Variants in OPRD1 observed in about 807,000 individuals in gnomAD.
The protein encoded by OPRD1 is delta-type opioid receptor.
In OPRD1, 19 loss-of-function variants were observed where a neutral mutation model predicts 17.5. That is an observed-to-expected ratio of 1.09 (90% CI 0.76 to 1.60). The LOEUF is 1.60. Among genes scored for constraint, OPRD1 ranks in the 40% most tolerant of loss-of-function variants. OPRD1 has a pLI of 0.00. For missense variants in OPRD1, 483 were observed against 547.2 expected, an observed-to-expected ratio of 0.88 and a Z score of 1.17; for synonymous variants, 256 against 240.9, an observed-to-expected ratio of 1.06 and a Z score of -0.58.
intron 1 of OPRD1, among the ~76,000 whole-genome samples, chr1:28,822,191 C>CG (rs1557568937): frequency 2.0e-5 from 3 of 151,954 alleles, no homozygotes; most frequent in Non-Finnish European, 2.9e-5. Context: ...CCTCGTGATC[C>CG]GCCCGACTCG....
chr1:28,819,576 T>C (rs1361492418), intron 1 of OPRD1, among the ~76,000 whole-genome samples: 4 of 152,218 alleles, frequency 2.6e-5, no homozygotes, highest in African/African-American at 9.6e-5. Flanking sequence ...GGTTGAAGTA[T>C]GCAAGCTGCA....
chr1:28,814,812 A>G (rs2088660787), intron 1 of OPRD1, among the ~76,000 whole-genome samples: 1 of 152,186 alleles, frequency 6.6e-6, no homozygotes, highest in Non-Finnish European at 1.5e-5. Flanking sequence ...CCATGTTGCC[A>G]AGACATTTCG....
chr1:28,831,377 C>T (rs564788827), intron 1 of OPRD1, among the ~76,000 whole-genome samples: 12 of 152,174 alleles, frequency 7.9e-5, no homozygotes, highest in Admixed American at 2.0e-4. Flanking sequence ...GGCGTGGTGG[C>T]GTGCGCCTGT....
At chr1:28,837,419 G>A (rs1191876767) in intron 1 of OPRD1, among the ~76,000 whole-genome samples, 1 of 152,114 alleles carries the variant, frequency 6.6e-6, no homozygotes, top group Non-Finnish European at 1.5e-5. Flanking sequence ...GGAGGCCAAG[G>A]CAGGCAGATC....
At chr1:28,814,432 G>C (rs113473039) in intron 1 of OPRD1, among the ~76,000 whole-genome samples, 5 of 152,332 alleles carry the variant, frequency 3.3e-5, no homozygotes, top group African/African-American at 1.2e-4. Flanking sequence ...AGATCCTGTA[G>C]AATCTGACTA....
intron 1 of OPRD1, among the ~76,000 whole-genome samples, chr1:28,852,036 G>A (rs1173914300): frequency 6.7e-6 from 1 of 148,734 alleles, no homozygotes; most frequent in Non-Finnish European, 1.5e-5. Flanking sequence ...GCGTGGTGGC[G>A]GGTGCCTGTA....
intron 1 of OPRD1, among the ~76,000 whole-genome samples, chr1:28,840,045 C>T (rs2088883227): frequency 6.6e-6 from 1 of 152,176 alleles, no homozygotes; most frequent in African/African-American, 2.4e-5. Context: ...CTCCTCTGAG[C>T]CTGGCCCTGT....
chr1:28,833,218 C>T (rs2088822900), intron 1 of OPRD1, among the ~76,000 whole-genome samples: 1 of 152,158 alleles, frequency 6.6e-6, no homozygotes, highest in Non-Finnish European at 1.5e-5. Context: ...CCTAAGGGCA[C>T]CTGGTTAGTA....
chr1:28,819,895 G>A (rs1300199186), intron 1 of OPRD1, among the ~76,000 whole-genome samples: 2 of 152,292 alleles, frequency 1.3e-5, no homozygotes, highest in East Asian at 3.9e-4. Context: ...GGGCATTGGA[G>A]CCAGACTGAC....
At chr1:28,824,179 C>CAAA (rs759567245) in intron 1 of OPRD1, among the ~76,000 whole-genome samples, 5 of 82,324 alleles carry the variant, frequency 6.1e-5, no homozygotes, top group African/African-American at 1.8e-4. Context: ...AACCTATCTC[C>CAAA]AAAAAAAAAA....
intron 1 of OPRD1, among the ~76,000 whole-genome samples, chr1:28,814,579 G>C (rs2088658206): frequency 6.6e-6 from 1 of 152,188 alleles, no homozygotes; most frequent in Non-Finnish European, 1.5e-5. Flanking sequence ...CCGAGCGTCG[G>C]TGTGTTCAGT....
intron 1 of OPRD1, among the ~76,000 whole-genome samples, chr1:28,848,897 G>A (rs1056430275): frequency 6.6e-6 from 1 of 152,150 alleles, no homozygotes; most frequent in Non-Finnish European, 1.5e-5. Context: ...GGTGAGGTGT[G>A]GGACAGAAAA....
chr1:28,840,421 G>A (rs1173619761), intron 1 of OPRD1, among the ~76,000 whole-genome samples: 2 of 152,068 alleles, frequency 1.3e-5, no homozygotes, highest in Non-Finnish European at 2.9e-5. Flanking sequence ...CTGGCAAAAA[G>A]AGTATGTGAA....
Position 28,863,443 on chromosome 1 carries a change from A to C in OPRD1, c.*160A>C. ...GTTTCGGAGACGGGACCGGGCCGCT[A>C]GATGGGCATGGGGTGGGCCTCTGGT... On this transcript the variant is annotated 3_prime_UTR_variant, in exon 3 of 3. Coordinates refer to ENST00000234961, the MANE Select transcript of OPRD1 (RefSeq NM_000911.4). The C allele has an allele frequency of 1.2e-6, 1 of 810,274 alleles. No homozygotes were observed. The highest frequency in any genetic ancestry group is 3.8e-5 in the Admixed American group (1 of 26,296). The allele number at this position is 810,274 out of a possible 1,614,324, so 50.2% of individuals were successfully genotyped here.
At chr1:28,849,962 C>T (rs999382116) in intron 1 of OPRD1, among the ~76,000 whole-genome samples, 2 of 149,180 alleles carry the variant, frequency 1.3e-5, no homozygotes, top group African/African-American at 5.0e-5. Flanking sequence ...TCACTGCAAG[C>T]TCCGCCTCCC....
chr1:28,822,192 G>T (rs551242301), intron 1 of OPRD1, among the ~76,000 whole-genome samples: 1 of 151,832 alleles, frequency 6.6e-6, no homozygotes, highest in African/African-American at 2.4e-5. Context: ...CTCGTGATCC[G>T]CCCGACTCGT....
At chr1:28,826,526 A>T (rs370549988) in intron 1 of OPRD1, among the ~76,000 whole-genome samples, 5 of 149,942 alleles carry the variant, frequency 3.3e-5, no homozygotes, top group African/African-American at 7.4e-5. Context: ...AAAAAAAAAT[A>T]AAAAAAAAAG....
At chr1:28,832,834 T>C (rs1176242590) in intron 1 of OPRD1, among the ~76,000 whole-genome samples, 1 of 152,248 alleles carries the variant, frequency 6.6e-6, no homozygotes, top group East Asian at 1.9e-4. Flanking sequence ...TGTGATGCTC[T>C]GAACAGGGGC....
intron 2 of OPRD1, among the ~76,000 whole-genome samples, chr1:28,859,519 G>T (rs2089092179): frequency 6.6e-6 from 1 of 152,218 alleles, no homozygotes; most frequent in South Asian, 2.1e-4. Context: ...AGGGGGGCAT[G>T]CGGATGGTTG....
Sources: gnomAD v4.1 joint callset for allele counts (sites outside exome capture counted in the v4.1 genomes callset) on GRCh38, gnomAD v4.1.1 for gene constraint, MANE v1.5 for transcripts, NCBI Gene and HGNC (gene_info 2026-07-23, HGNC 2026-07-21) for gene names.